RANBP2: variants seen among roughly 807,000 people sequenced by gnomAD.
RANBP2 encodes the protein RAN binding protein 2, also known as E3 SUMO-protein ligase RanBP2.
RANBP2 carries 57 observed loss-of-function variants against 303.6 expected under a neutral mutation model. The ratio of observed to expected loss-of-function variants is 0.19; its 90% CI spans 0.15 to 0.23. The LOEUF is 0.23. Among genes scored for constraint, RANBP2 ranks in the 10% least tolerant of loss-of-function variants. The pLI, the probability that RANBP2 is intolerant of heterozygous loss-of-function variation, is 1.00. For missense variants in RANBP2, 3,138 were observed against 3,780.8 expected, an observed-to-expected ratio of 0.83 and a Z score of 4.46; for synonymous variants, 1,167 against 1,301.5, an observed-to-expected ratio of 0.90 and a Z score of 2.23.
At chr2:109,702,459 A>T in the RANBP2 span, among the ~76,000 whole-genome samples, 1 of 152,234 alleles carries the variant, frequency 6.6e-6, no homozygotes, top group East Asian at 1.9e-4. Flanking sequence ...CCTGCCACCC[A>T]CCACCTGAAC....
At chr2:108,750,393 T>C (rs1346246800) in intron 9 of RANBP2, among the ~76,000 whole-genome samples, 2 of 152,210 alleles carry the variant, frequency 1.3e-5, no homozygotes, top group Admixed American at 6.5e-5. Flanking sequence ...TTAATAATCA[T>C]ACTCTGATAA....
the RANBP2 span, among the ~76,000 whole-genome samples, chr2:109,430,618 C>G: frequency 5.9e-5 from 9 of 152,294 alleles, no homozygotes; most frequent in African/African-American, 1.7e-4. Context: ...TACACAGGTA[C>G]GTGTTGGCTG....
At chr2:108,832,110 A>G in the RANBP2 span, among the ~76,000 whole-genome samples, 2 of 150,266 alleles carry the variant, frequency 1.3e-5, no homozygotes. Flanking sequence ...GCTCCCTTCA[A>G]CCTCCGCCTC....
At chr2:109,209,297 G>A in the RANBP2 span, among the ~76,000 whole-genome samples, 1 of 152,182 alleles carries the variant, frequency 6.6e-6, no homozygotes, top group East Asian at 1.9e-4. Context: ...CTGCGCGGGT[G>A]ATTTTGGTGA....
At chr2:108,789,854 ATCT>A (rs1387447334), downstream of RANBP2, among the ~76,000 whole-genome samples, 1 of 152,130 alleles carries the variant, frequency 6.6e-6, no homozygotes, top group African/African-American at 2.4e-5. Context: ...TAAAATAAAG[ATCT>A]AAGTTGGATA....
At chr2:109,615,362 C>T in the RANBP2 span, 1 of 1,612,848 alleles carries the variant, frequency 6.2e-7, no homozygotes, top group South Asian at 1.1e-5. Context: ...CCTGCGAGCC[C>T]GGCCTGCTGG....
chr2:108,872,080 T>TA, the RANBP2 span, among the ~76,000 whole-genome samples: 1 of 152,222 alleles, frequency 6.6e-6, no homozygotes, highest in African/African-American at 2.4e-5. Context: ...CTTTTATACT[T>TA]AACCAGATCT....
the RANBP2 span, among the ~76,000 whole-genome samples, chr2:109,463,833 C>A: frequency 1.3e-5 from 2 of 152,304 alleles, no homozygotes; most frequent in South Asian, 4.1e-4. Context: ...GTGGAGGCCC[C>A]TTTCTCCCTG....
the RANBP2 span, among the ~76,000 whole-genome samples, chr2:109,643,766 A>AAAAC: frequency 6.1e-3 from 924 of 150,770 alleles, 7 homozygotes; most frequent in South Asian, 0.056. Context: ...CTCCCTCTCA[A>AAAAC]AAACAAACAA....
At chr2:108,896,782 C>G in the RANBP2 span, 3 of 947,788 alleles carry the variant, frequency 3.2e-6, no homozygotes, top group South Asian at 4.8e-5. Flanking sequence ...CTTGAACATC[C>G]TAAGGCATAC....
chr2:109,665,777 AGAATCATGGAT>A, the RANBP2 span: 2 of 152,302 alleles, frequency 1.3e-5, no homozygotes, highest in African/African-American at 2.4e-5. Context: ...TTGACTGGAG[AGAATCATGGAT>A]GTCAAATATT....
the RANBP2 span, among the ~76,000 whole-genome samples, chr2:109,608,499 G>A: frequency 3.9e-5 from 6 of 152,270 alleles, no homozygotes; most frequent in Admixed American, 2.6e-4. Context: ...CTTATCTTTG[G>A]TAAGTTCCTT....
the RANBP2 span, among the ~76,000 whole-genome samples, chr2:109,217,736 T>C: frequency 8.5e-5 from 13 of 152,150 alleles, no homozygotes; most frequent in African/African-American, 3.1e-4. Context: ...TAACACCAAA[T>C]AACTATGGCC....
chr2:109,329,993 G>A, the RANBP2 span, among the ~76,000 whole-genome samples: 1 of 152,206 alleles, frequency 6.6e-6, no homozygotes, highest in Non-Finnish European at 1.5e-5. Context: ...CTAGCATTGA[G>A]AGAATGTTGA....
chr2:108,915,102 G>A, the RANBP2 span, among the ~76,000 whole-genome samples: 2 of 151,984 alleles, frequency 1.3e-5, no homozygotes. Flanking sequence ...AGAGAAAAAT[G>A]CACGTTGGCC....
the RANBP2 span, among the ~76,000 whole-genome samples, chr2:108,888,432 C>G: frequency 6.6e-6 from 1 of 151,924 alleles, no homozygotes; most frequent in South Asian, 2.1e-4. Flanking sequence ...GGAATAGTTT[C>G]AGGAGGGTTG....
the RANBP2 span, among the ~76,000 whole-genome samples, chr2:109,199,622 T>TTAACC: frequency 0.015 from 2 of 130 alleles, no homozygotes; most frequent in Middle Eastern, 0.5. Context: ...TGGAATGGAA[T>TTAACC]GGAATGGAAT....
the RANBP2 span, among the ~76,000 whole-genome samples, chr2:109,457,846 C>A: frequency 2.0e-5 from 3 of 152,252 alleles, no homozygotes; most frequent in African/African-American, 7.2e-5. Context: ...GAAGGTAATG[C>A]CCACACATCA....
the RANBP2 span, among the ~76,000 whole-genome samples, chr2:109,347,139 G>A: frequency 6.6e-6 from 1 of 152,202 alleles, no homozygotes; most frequent in Non-Finnish European, 1.5e-5. Flanking sequence ...CTATTCAGTA[G>A]ATGAAGTAAA....
Sources: allele counts gnomAD v4.1 joint callset (sites outside exome capture counted in the v4.1 genomes callset), GRCh38; gene constraint gnomAD v4.1.1; transcripts MANE v1.5; gene names NCBI Gene and HGNC (gene_info 2026-07-23, HGNC 2026-07-21).